The following DET1 variants were observed in gnomAD, a reference collection of about 807,000 sequenced individuals.
DET1 encodes DET1 partner of COP1 E3 ubiquitin ligase, also known as DET1 homolog.
DET1 carries 22 observed loss-of-function variants against 43.7 expected under a neutral mutation model. That is an observed-to-expected ratio of 0.50 (90% CI 0.36 to 0.72). The LOEUF (loss-of-function observed/expected upper bound fraction) is 0.72. DET1 is among the 30% of genes least tolerant of loss of function. The pLI, the probability that DET1 is intolerant of heterozygous loss-of-function variation, is 0.00. For synonymous variants in DET1, 315 were observed against 266.2 expected (o/e 1.18, Z -1.79); for missense variants, 713 against 713.3 (o/e 1.00, Z 0.00).
chr15:88,527,841 G>A, intron 2 of DET1, 55 bp from the exon 3 acceptor site: 2 of 1,338,962 alleles, frequency 1.5e-6, no homozygotes, highest in East Asian at 2.7e-5. Flanking sequence ...GCCATGCGTA[G>A]GAAACTTAGC....
In DET1 at chr15:88,507,098, T is replaced by C. The variant is rs143420785; in HGVS notation, c.*2066-3111A>G. The stretch of plus-strand genomic sequence containing the variant: ...AAGCCAAAGTACTCAATGAAGTGAG[T>C]GCTTCCCCTCTGCTCTCCTTCAGCT... On this transcript the variant is annotated intron_variant and NMD_transcript_variant, in intron 7 of 8. Transcript: ENST00000557842. 1.5e-3 allele frequency among the ~76,000 whole-genome samples: 235 copies of C among 152,274 alleles called. 5 individuals carry two copies. In the South Asian group the frequency reaches 0.038, roughly 25 times the overall value.
intron 2 of DET1, among the ~76,000 whole-genome samples, chr15:88,530,092 C>T (rs937097996): frequency 6.6e-6 from 1 of 152,168 alleles, no homozygotes; most frequent in African/African-American, 2.4e-5. Context: ...GGTAAAGTCA[C>T]AAAACTTAAT....
chr15:88,511,339 C>A (rs985604715), downstream of DET1: 2 of 922,476 alleles, frequency 2.2e-6, no homozygotes, highest in Non-Finnish European at 2.6e-6. Flanking sequence ...TGCACAAGAC[C>A]TCTCTTCCCA....
chr15:88,505,068 G>A (rs1464130357), intron 7 of DET1: 2 of 152,036 alleles, frequency 1.3e-5, no homozygotes, highest in East Asian at 3.9e-4. Flanking sequence ...TTTCTTATTC[G>A]ACTTAACCTC....
At chr15:88,537,556 A>G (rs1394863405) in intron 1 of DET1, among the ~76,000 whole-genome samples, 1 of 152,178 alleles carries the variant, frequency 6.6e-6, no homozygotes, top group East Asian at 1.9e-4. Flanking sequence ...ATACCCAGTC[A>G]TTTACATATT....
chr15:88,528,267 T>A (rs1472651504), intron 2 of DET1, among the ~76,000 whole-genome samples: 1 of 152,242 alleles, frequency 6.6e-6, no homozygotes, highest in Non-Finnish European at 1.5e-5. Context: ...GGCAAATTAT[T>A]TTCTCTTGTA....
intron 3 of DET1, among the ~76,000 whole-genome samples, chr15:88,524,365 C>A (rs1210037013): frequency 6.6e-6 from 1 of 151,916 alleles, no homozygotes; most frequent in Non-Finnish European, 1.5e-5. Flanking sequence ...GCCTGGCCAC[C>A]GCCCCGTCCG....
chr15:88,509,044 G>A (rs1313103924), downstream of DET1, among the ~76,000 whole-genome samples: 2 of 152,222 alleles, frequency 1.3e-5, no homozygotes, highest in Non-Finnish European at 2.9e-5. Flanking sequence ...GCAATAGGAG[G>A]TAAGGCAGGG....
chr15:88,535,417 T>C lies in DET1; in HGVS notation c.-10-3702A>G, dbSNP rs369219308. On this transcript the variant is annotated intron_variant, in intron 1 of 4. Transcript: ENST00000268148. ...AATATCAAAAGTTGTAACACCCTGATCTTGAGGAGTAGAATGCTAAGAAAA... is the reference window on the plus strand; with the variant it reads ...AATATCAAAAGTTGTAACACCCTGACCTTGAGGAGTAGAATGCTAAGAAAA... 4.7e-5 allele frequency among the ~76,000 whole-genome samples: 7 copies of C among 149,816 alleles called. No homozygotes were observed. The East Asian group carries it at 9.8e-4, about 21-fold the overall frequency.
chr15:88,512,424 G>A (rs1380815854), downstream of DET1: 3 of 985,508 alleles, frequency 3.0e-6, no homozygotes, highest in Admixed American at 6.1e-5. Flanking sequence ...TGGAACCCAA[G>A]TACTTGAAAG....
intron 3 of DET1, among the ~76,000 whole-genome samples, chr15:88,521,140 T>C (rs2056479548): frequency 6.6e-6 from 1 of 152,184 alleles, no homozygotes; most frequent in South Asian, 2.1e-4. Context: ...TGCCCCTCGC[T>C]CACTCCAGTC....
chr15:88,540,324 T>A (rs1010399950), intron 1 of DET1, among the ~76,000 whole-genome samples: 2 of 152,030 alleles, frequency 1.3e-5, no homozygotes, highest in Non-Finnish European at 2.9e-5. Context: ...ATGTGGCAAG[T>A]GGTATTAGCT....
intron 1 of DET1, among the ~76,000 whole-genome samples, chr15:88,539,354 T>C (rs2057038151): frequency 6.7e-6 from 1 of 149,148 alleles, no homozygotes; most frequent in Non-Finnish European, 1.5e-5. Flanking sequence ...TATACCGGCC[T>C]GCCAATGCTA....
In DET1 at chr15:88,540,241, G is replaced by A. The variant is rs142675538; in HGVS notation, c.-11+6299C>T. On this transcript the variant is annotated intron_variant, in intron 1 of 4. Coordinates refer to ENST00000268148, the MANE Select transcript of DET1 (RefSeq NM_001144074.3). Reference sequence around the variant, plus strand: ...ACAGATCTAGAAGAAGAGGGAGAACGCCTAGATCCAACTGACCCAGGAGAC... The same window carrying A: ...ACAGATCTAGAAGAAGAGGGAGAACACCTAGATCCAACTGACCCAGGAGAC... 3.2e-4 allele frequency among the ~76,000 whole-genome samples: 49 copies of A among 152,166 alleles called. No homozygotes were observed. In the East Asian group the frequency reaches 6.4e-3, roughly 20 times the overall value.
Position 88,516,751 on chromosome 15 carries a change from G to C in DET1, c.1463+31C>G. On this transcript the variant is annotated intron_variant, in intron 4 of 4. Coordinates refer to ENST00000268148, the MANE Select transcript of DET1 (RefSeq NM_001144074.3). This position sits in a 1 kb window ranked among gnomAD's most constrained non-coding sequence, Gnocchi z 4.4. ...AAAGCAGGCCATCTTCAGCCCTTGA[G>C]CAGTTTGTAGCTATAGCAGTGACAC... 6.7e-7 allele frequency: 1 copy of C among 1,492,412 alleles called. No homozygotes were observed. Among genetic ancestry groups the C allele is most frequent in the Non-Finnish European group, 8.9e-7 (1 of 1,122,904 alleles). The allele number at this position is 1,492,412 out of a possible 1,614,324, so 92.4% of individuals were successfully genotyped here.
In DET1 at chr15:88,531,155, G is replaced by T. The variant is rs370446446; in HGVS notation, c.551C>A (p.Pro184Gln). The part of the protein sequence containing the change: ...YRNSESVTPN[P>Q]RSPLEDYSLH... Reference sequence around the variant, plus strand: ...GGAATAGTCTTCTAGAGGGGACCGTGGGTTGGGGGTCACTGATTCACTGTT... The same window carrying T: ...GGAATAGTCTTCTAGAGGGGACCGTTGGTTGGGGGTCACTGATTCACTGTT... Residue 184 changes from proline to glutamine, a missense_variant, in exon 2 of 5, where the codon CCA becomes CAA. By Grantham distance (76) the Pro-to-Gln change is moderately conservative (BLOSUM62 -1). Coordinates refer to ENST00000268148, the MANE Select transcript of DET1 (RefSeq NM_001144074.3). The surrounding 1 kb of genome is among the most constrained non-coding windows in gnomAD (Gnocchi z 6.2). 32 of 1,613,838 alleles carry T rather than the reference G, an allele frequency of 2.0e-5. No homozygotes were observed. Among genetic ancestry groups the T allele is most frequent in the Non-Finnish European group, 1.9e-5 (22 of 1,179,884 alleles).
chr15:88,530,719 C>T lies in DET1; in HGVS notation c.987G>A (p.Leu329=). ...FFQYFDQLRQ[L]RMWKMQLLDE... ...CCAGAAGCTGCATTTTCCACATTCG[C>T]AGCTGCCGCAGTTGGTCAAAATACT... Residue 329 remains leucine (L), a synonymous_variant, in exon 2 of 5, where the codon CTG becomes CTA. Coordinates refer to ENST00000268148, the MANE Select transcript of DET1 (RefSeq NM_001144074.3). The T allele has an allele frequency of 1.9e-6, 3 of 1,613,978 alleles. No individual in the cohort carries two copies. The highest frequency in any genetic ancestry group is 8.5e-7 in the Non-Finnish European group (1 of 1,179,876).
chr15:88,509,229 G>A (rs1231489416), downstream of DET1, among the ~76,000 whole-genome samples: 3 of 152,138 alleles, frequency 2.0e-5, no homozygotes, highest in African/African-American at 7.2e-5. Flanking sequence ...AGGCTCACTG[G>A]AACCTTGAAT....
chr15:88,512,749 C>A lies in DET1; in HGVS notation c.*202G>T, dbSNP rs1010970178. On this transcript the variant is annotated 3_prime_UTR_variant, in exon 5 of 5. Coordinates refer to ENST00000268148, the MANE Select transcript of DET1 (RefSeq NM_001144074.3). Reference sequence around the variant, plus strand: ...GGGAAAACGCAAGAGGATATTATAACAATCAGTAGCAGTATTGTATACAAT... The same window carrying A: ...GGGAAAACGCAAGAGGATATTATAAAAATCAGTAGCAGTATTGTATACAAT... 193 of 1,297,518 alleles carry A rather than the reference C, an allele frequency of 1.5e-4. 1 individual carries two copies. Among genetic ancestry groups the A allele is most frequent in the Non-Finnish European group, 1.8e-4 (186 of 1,025,536 alleles). 80.4% of individuals were successfully genotyped at this position (1,297,518 alleles called of 1,614,324 possible).
Sources: allele counts gnomAD v4.1 joint callset (sites outside exome capture counted in the v4.1 genomes callset), GRCh38; gene constraint gnomAD v4.1.1; non-coding constraint Gnocchi (gnomAD v3.1); transcripts MANE v1.5; gene names NCBI Gene and HGNC (gene_info 2026-07-23, HGNC 2026-07-21).